The following TXLNG variants were observed in gnomAD, a reference collection of about 807,000 sequenced individuals.
TXLNG encodes the protein gamma-taxilin.
TXLNG carries 5 observed loss-of-function variants against 38.8 expected under a neutral mutation model. The observed-to-expected ratio is 0.13, with a 90% CI of 0.07 to 0.27. The LOEUF is 0.27. TXLNG is among the 10% of genes least tolerant of loss of function. The probability of loss-of-function intolerance (pLI) is 1.00; values close to 1 mark genes in which losing one functional copy is unlikely to be tolerated. For synonymous variants in TXLNG, 182 were observed against 158.2 expected (o/e 1.15, Z -1.13); for missense variants, 393 against 398.2 (o/e 0.99, Z 0.11).
Position 16,843,760 on chromosome X carries a change from A to T in TXLNG, c.*1994A>T, listed in dbSNP as rs1929968185. The T allele has an allele frequency of 8.9e-6, 1 of 112,049 alleles. No homozygotes were observed. Among genetic ancestry groups the T allele is most frequent in the Non-Finnish European group, 1.9e-5 (1 of 53,238 alleles). 9.2% of individuals were successfully genotyped at this position (112,049 alleles called of 1,213,427 possible). A position where few individuals can be genotyped will look rare whatever the true frequency, so the allele number is the denominator to read the frequency against. On this transcript the variant is annotated 3_prime_UTR_variant, in exon 10 of 10. Coordinates refer to ENST00000380122, the MANE Select transcript of TXLNG (RefSeq NM_018360.3). ...AGGGCTTTAAAGCAATGTGATTAAC[A>T]GTACTTGGCCTGCTGCTTTTGGCTT...
intron 3 of TXLNG, among the ~76,000 whole-genome samples, chrX:16,826,227 C>T (rs1198790277): frequency 9.0e-6 from 1 of 111,345 alleles, no homozygotes; most frequent in Non-Finnish European, 1.9e-5. Flanking sequence ...ACTGGGCAGC[C>T]GTGTACAGTT....
At chrX:16,798,088 C>G (rs1469728531) in intron 1 of TXLNG, among the ~76,000 whole-genome samples, 1 of 112,187 alleles carries the variant, frequency 8.9e-6, no homozygotes, top group Non-Finnish European at 1.9e-5. Context: ...TCCTTTGATT[C>G]TGTTGGTCTG....
intron 1 of TXLNG, among the ~76,000 whole-genome samples, chrX:16,809,817 G>A (rs933162635): frequency 2.7e-5 from 3 of 111,745 alleles, no homozygotes; most frequent in African/African-American, 3.3e-5. Context: ...TATATAGTGC[G>A]TATACAAAAT....
intron 1 of TXLNG, among the ~76,000 whole-genome samples, chrX:16,787,978 T>C (rs1927558970): frequency 8.9e-6 from 1 of 112,295 alleles, no homozygotes; most frequent in Admixed American, 9.5e-5. Flanking sequence ...GTGTTACTAC[T>C]TCTCAATTAC....
chrX:16,814,826 C>T (rs1011015908), intron 1 of TXLNG, among the ~76,000 whole-genome samples: 5 of 111,766 alleles, frequency 4.5e-5, no homozygotes, highest in African/African-American at 1.6e-4. Flanking sequence ...GTAATGTTTG[C>T]ACAACTTTGT....
At chrX:16,791,550 TTA>T (rs1927705495) in intron 1 of TXLNG, among the ~76,000 whole-genome samples, 1 of 112,434 alleles carries the variant, frequency 8.9e-6, no homozygotes, top group African/African-American at 3.2e-5. Context: ...GTCATATTTA[TTA>T]TGTTATTGGA....
intron 3 of TXLNG, among the ~76,000 whole-genome samples, chrX:16,823,019 T>C (rs771647149): frequency 2.7e-5 from 3 of 111,884 alleles, no homozygotes; most frequent in East Asian, 5.6e-4. Context: ...CCAGCAGTAA[T>C]GACTGTGTTC....
At chrX:16,808,272 G>A (rs1288721143) in intron 1 of TXLNG, among the ~76,000 whole-genome samples, 1 of 112,056 alleles carries the variant, frequency 8.9e-6, no homozygotes, top group Non-Finnish European at 1.9e-5. Flanking sequence ...CTCACAAGAT[G>A]CAGATGTCAT....
At chrX:16,832,835 C>T in intron 6 of TXLNG, 93 bp downstream of exon 6, 1 of 1,066,407 alleles carries the variant, frequency 9.4e-7, no homozygotes, top group Non-Finnish European at 1.2e-6. Context: ...CCGTTTGAAA[C>T]ATTTATCTAT....
At chrX:16,805,007 T>TTTTTG (rs1162642529) in intron 1 of TXLNG, among the ~76,000 whole-genome samples, 2,010 of 38,667 alleles carry the variant, frequency 0.052, 418 homozygotes, top group Non-Finnish European at 0.078. Context: ...TTTTTTTTTT[T>TTTTTG]GAGAGACAGA....
intron 1 of TXLNG, among the ~76,000 whole-genome samples, chrX:16,795,706 A>G (rs1027493476): frequency 1.8e-5 from 2 of 111,827 alleles, no homozygotes; most frequent in African/African-American, 6.5e-5. Flanking sequence ...CCTGCCTCCA[A>G]TTTATGATCC....
Position 16,828,080 on chromosome X carries a change from C to T in TXLNG, c.499-14C>T. 2 of 1,181,525 alleles carry T rather than the reference C, an allele frequency of 1.7e-6. No homozygotes were observed. Among genetic ancestry groups the T allele is most frequent in the Non-Finnish European group, 2.3e-6 (2 of 878,505 alleles). On this transcript the variant is annotated splice_polypyrimidine_tract_variant and intron_variant, in intron 3 of 9. Transcript: ENST00000380122. ...TACTGTACTTCCTAAATACAAAGTG[C>T]TTATGAATTTTAGCTGGAGGAGAGC... is the stretch of plus-strand genomic sequence containing the variant.
intron 3 of TXLNG, among the ~76,000 whole-genome samples, chrX:16,824,020 C>T (rs1450365960): frequency 9.0e-6 from 1 of 111,626 alleles, no homozygotes; most frequent in Non-Finnish European, 1.9e-5. Context: ...TTCACAGAAT[C>T]TGTAGATACA....
rs755692412 is a variant in TXLNG at position 16,786,750 on chromosome X, G to C, written c.102+161G>C. ...TGACGACAGTGGGAGCAGGTGGGGG[G>C]GGGTGGGACCGCGATGGATGGGGTG... On this transcript the variant is annotated intron_variant, in intron 1 of 9. Coordinates refer to ENST00000380122, the MANE Select transcript of TXLNG (RefSeq NM_018360.3). 5.5e-5 allele frequency among the ~76,000 whole-genome samples: 6 copies of C among 109,161 alleles called. No individual in the cohort carries two copies. The South Asian group carries it at 2.0e-3, about 36-fold the overall frequency. The allele number at this position is 109,161 out of a possible 115,157, so 94.8% of individuals were successfully genotyped here. A position where few individuals can be genotyped will look rare whatever the true frequency, so the allele number is the denominator to read the frequency against.
chrX:16,817,970 TG>T (rs1928804247), intron 1 of TXLNG, among the ~76,000 whole-genome samples: 1 of 112,156 alleles, frequency 8.9e-6, no homozygotes, highest in African/African-American at 3.2e-5. Context: ...GTCTGCATTT[TG>T]CCAGAGTCGG....
intron 1 of TXLNG, among the ~76,000 whole-genome samples, chrX:16,792,338 T>C (rs1188817815): frequency 8.9e-6 from 1 of 112,009 alleles, no homozygotes; most frequent in African/African-American, 3.2e-5. Context: ...CCAGGAAGTT[T>C]CTGCTTACCT....
chrX:16,840,052 G>GTGGGGA (rs1307223902), intron 9 of TXLNG, 136 bp downstream of exon 9: 13 of 439,482 alleles, frequency 3.0e-5, no homozygotes, highest in Non-Finnish European at 4.9e-5. Context: ...TGGGGCGGGG[G>GTGGGGA]TGGGGATGAG....
At chrX:16,809,657 C>T (rs934627246) in intron 1 of TXLNG, among the ~76,000 whole-genome samples, 1 of 110,655 alleles carries the variant, frequency 9.0e-6, no homozygotes, top group Non-Finnish European at 1.9e-5. Context: ...ATATTTTCTT[C>T]CAGTATTTTC....
intron 1 of TXLNG, among the ~76,000 whole-genome samples, chrX:16,806,488 A>G (rs1217442447): frequency 8.9e-6 from 1 of 112,453 alleles, no homozygotes; most frequent in African/African-American, 3.2e-5. Flanking sequence ...TTATCCTAAA[A>G]CACAAAATTA....
Sources: gnomAD v4.1 joint callset for allele counts (sites outside exome capture counted in the v4.1 genomes callset) on GRCh38, gnomAD v4.1.1 for gene constraint, MANE v1.5 for transcripts, NCBI Gene and HGNC (gene_info 2026-07-23, HGNC 2026-07-21) for gene names.